Variants in PLXNC1 observed in about 807,000 individuals in gnomAD.
PLXNC1 encodes the protein plexin C1.
A neutral mutation model predicts 178.2 loss-of-function variants in PLXNC1; 75 were observed. The ratio of observed to expected loss-of-function variants is 0.42; its 90% confidence interval spans 0.35 to 0.51. The LOEUF is 0.51. PLXNC1 is among the 20% of genes least tolerant of loss of function. The pLI is 0.02. For missense variants in PLXNC1, 1,503 were observed against 1,984.4 expected (o/e 0.76, Z 4.61); for synonymous variants, 790 against 779.9 (o/e 1.01, Z -0.22).
intron 21 of PLXNC1, among the ~76,000 whole-genome samples, chr12:94,275,854 CAAAAAAAAAAAAAA>C (rs34551603): frequency 8.7e-5 from 2 of 23,100 alleles, no homozygotes; most frequent in African/African-American, 3.0e-4. Flanking sequence ...GACTCCGTCT[CAAAAAAAAAAAAAA>C]AAAAAAAAAA....
In PLXNC1 at chr12:94,286,859, T is replaced by C. The variant is rs529802979; in HGVS notation, c.3879+4458T>C. On this transcript the variant is annotated intron_variant, in intron 23 of 30. Coordinates refer to ENST00000258526, the MANE Select transcript of PLXNC1 (RefSeq NM_005761.3). The stretch of plus-strand genomic sequence containing the variant: ...AGTGTAGCTGGTCTCGTCTGAATGA[T>C]TTACTCTCAGCACATTTGAAGAACA... Among the ~76,000 whole-genome samples, 8 of 152,202 alleles carry C rather than the reference T, an allele frequency of 5.3e-5. No homozygotes were observed. The East Asian group carries it at 1.5e-3, about 29-fold the overall frequency.
At chr12:94,159,964 G>A (rs1241576852) in intron 1 of PLXNC1, among the ~76,000 whole-genome samples, 1 of 152,212 alleles carries the variant, frequency 6.6e-6, no homozygotes, top group African/African-American at 2.4e-5. Context: ...GGGGTGAAGT[G>A]AAATAGGTTT....
chr12:94,236,954 G>T (rs1198953588), intron 9 of PLXNC1, among the ~76,000 whole-genome samples: 2 of 152,162 alleles, frequency 1.3e-5, no homozygotes, highest in Non-Finnish European at 2.9e-5. Context: ...AAATGGAGAA[G>T]TAAGGTGGCA....
intron 4 of PLXNC1, chr12:94,186,706 G>A (rs1328960912): frequency 2.2e-6 from 1 of 463,176 alleles, no homozygotes; most frequent in African/African-American, 2.0e-5. Context: ...GGAGGGGCAG[G>A]TGTGCAGCCT....
At chr12:94,247,270 T>C (rs1470691777) in intron 12 of PLXNC1, among the ~76,000 whole-genome samples, 1 of 152,152 alleles carries the variant, frequency 6.6e-6, no homozygotes, top group Non-Finnish European at 1.5e-5. Context: ...TTTTGCATTG[T>C]TTTCAGTTTT....
At chr12:94,208,378 A>T (rs1036476891) in intron 4 of PLXNC1, among the ~76,000 whole-genome samples, 1 of 152,220 alleles carries the variant, frequency 6.6e-6, no homozygotes, top group East Asian at 1.9e-4. Flanking sequence ...GCCATATTCA[A>T]ATTAACACAG....
rs116573459 is a variant in PLXNC1 at position 94,192,594 on chromosome 12, G to A, written c.1439+6121G>A. ...GGGTGGGGTCAATGTCAAGCTGAAG[G>A]TTGAGTTCAGGTCTGTTTCCCATGT... On this transcript the variant is annotated intron_variant, in intron 4 of 30. Transcript: ENST00000258526. 3.3e-3 allele frequency among the ~76,000 whole-genome samples: 496 copies of A among 152,128 alleles called. 3 individuals carry two copies. Among genetic ancestry groups the A allele is most frequent in the African/African-American group, 0.011 (455 of 41,502 alleles).
At chr12:94,219,142 T>A (rs1021402914) in intron 5 of PLXNC1, among the ~76,000 whole-genome samples, 1 of 152,076 alleles carries the variant, frequency 6.6e-6, no homozygotes, top group African/African-American at 2.4e-5. Context: ...ATTATGAAAA[T>A]AGAGATAAAG....
chr12:94,177,404 C>A (rs1232435780), intron 2 of PLXNC1, among the ~76,000 whole-genome samples: 1 of 150,396 alleles, frequency 6.6e-6, no homozygotes, highest in African/African-American at 2.4e-5. Flanking sequence ...GGACAAGCTT[C>A]AGTGCAAGCC....
At chr12:94,199,752 G>A (rs996113998) in intron 4 of PLXNC1, among the ~76,000 whole-genome samples, 4 of 152,204 alleles carry the variant, frequency 2.6e-5, no homozygotes, top group Admixed American at 6.5e-5. Context: ...GAAAGTGCTC[G>A]CCATGCTCAG....
intron 26 of PLXNC1, among the ~76,000 whole-genome samples, chr12:94,298,367 T>G (rs1472211641): frequency 6.6e-6 from 1 of 152,204 alleles, no homozygotes; most frequent in African/African-American, 2.4e-5. Flanking sequence ...CTGCTAGAGA[T>G]TTCTGATATC....
intron 9 of PLXNC1, 134 bp downstream of exon 9, chr12:94,227,369 G>GT (rs1963973897): frequency 1.8e-6 from 1 of 569,590 alleles, no homozygotes; most frequent in South Asian, 2.3e-5. Context: ...TGTGTCTTTG[G>GT]TTTTTTAACC....
intron 2 of PLXNC1, among the ~76,000 whole-genome samples, chr12:94,175,918 G>A (rs1386637334): frequency 2.6e-5 from 4 of 152,250 alleles, no homozygotes; most frequent in Non-Finnish European, 4.4e-5. Flanking sequence ...TGGGTAGAGA[G>A]TGACAGAGGT....
Position 94,177,286 on chromosome 12 carries a change from G to C in PLXNC1, c.1204-4160G>C, listed in dbSNP as rs143440063. On this transcript the variant is annotated intron_variant, in intron 2 of 30. Transcript: ENST00000258526. Reference sequence around the variant, plus strand: ...ATATGAGGGGCTGCAGGGTCCAAGGGTATGTCCTTTGTAATTTTGATAGAT... The same window carrying C: ...ATATGAGGGGCTGCAGGGTCCAAGGCTATGTCCTTTGTAATTTTGATAGAT... 6.1e-4 allele frequency among the ~76,000 whole-genome samples: 88 copies of C among 144,984 alleles called. 2 individuals carry two copies. The highest frequency in any genetic ancestry group is 2.2e-3 in the African/African-American group (85 of 39,462).
intron 17 of PLXNC1, among the ~76,000 whole-genome samples, chr12:94,257,499 C>T (rs1305133219): frequency 6.6e-6 from 1 of 152,120 alleles, no homozygotes; most frequent in African/African-American, 2.4e-5. Context: ...CGGGTCCAGG[C>T]GCGGTGGCTC....
rs1969149100 is a variant in PLXNC1, at chr12:94,307,346, T to C, written c.*2061T>C. 6.6e-6 allele frequency: 1 copy of C among 152,228 alleles called. No homozygotes were observed. Among genetic ancestry groups the C allele is most frequent in the African/African-American group, 2.4e-5 (1 of 41,456 alleles). The allele number at this position is 152,228 out of a possible 1,614,324, so 9.4% of individuals were successfully genotyped here. ...GAAAAGCACTATCTAGATCACATTT[T>C]GGATCACATTAGCCAAATGCAGTAA... is the stretch of plus-strand genomic sequence containing the variant. On this transcript the variant is annotated 3_prime_UTR_variant, in exon 31 of 31. Coordinates refer to ENST00000258526, the MANE Select transcript of PLXNC1 (RefSeq NM_005761.3).
At chr12:94,241,800 T>C (rs967208435) in intron 11 of PLXNC1, among the ~76,000 whole-genome samples, 2 of 152,202 alleles carry the variant, frequency 1.3e-5, no homozygotes, top group Non-Finnish European at 1.5e-5. Context: ...ATCTTGGTTA[T>C]TGTGAAGAAT....
At chr12:94,207,410 T>C (rs1213366690) in intron 4 of PLXNC1, among the ~76,000 whole-genome samples, 4 of 152,228 alleles carry the variant, frequency 2.6e-5, no homozygotes, top group Admixed American at 2.0e-4. Flanking sequence ...AACTTTTTGC[T>C]TGTTTTAAAA....
rs528086025 is a variant in PLXNC1, at chr12:94,253,289, C to T, written c.2882-1498C>T. On this transcript the variant is annotated intron_variant, in intron 15 of 30. Coordinates refer to ENST00000258526, the MANE Select transcript of PLXNC1 (RefSeq NM_005761.3). ...TAGGTATTGACTTTCTGAAATTTGA[C>T]AGCTAGTACAGGCAGTTGCCAGTGT... is the stretch of plus-strand genomic sequence containing the variant. 6.9e-5 allele frequency among the ~76,000 whole-genome samples: 10 copies of T among 144,968 alleles called. No individual in the cohort carries two copies. The South Asian group carries it at 6.9e-4, about 10-fold the overall frequency.
Sources: gnomAD v4.1 joint callset for allele counts (sites outside exome capture counted in the v4.1 genomes callset) on GRCh38, gnomAD v4.1.1 for gene constraint, MANE v1.5 for transcripts, NCBI Gene and HGNC (gene_info 2026-07-23, HGNC 2026-07-21) for gene names.